The following DNTT variants were observed in gnomAD, a reference collection of about 807,000 sequenced individuals.
DNTT encodes DNA nucleotidylexotransferase.
DNTT carries 47 observed loss-of-function variants against 60.9 expected under a neutral mutation model. The ratio of observed to expected loss-of-function variants is 0.77; its 90% CI spans 0.61 to 0.98. The LOEUF (loss-of-function observed/expected upper bound fraction) is 0.98, where lower values mean the gene tolerates loss of function less well. DNTT is among the 50% of genes least tolerant of loss of function. The probability of loss-of-function intolerance (pLI) is 0.00; values close to 1 mark genes in which losing one functional copy is unlikely to be tolerated. For missense variants in DNTT, 665 were observed against 627.5 expected (o/e 1.06, Z -0.64); for synonymous variants, 224 against 221.2 (o/e 1.01, Z -0.11).
intron 6 of DNTT, among the ~76,000 whole-genome samples, chr10:96,325,027 C>G (rs1411638280): frequency 2.0e-5 from 3 of 152,168 alleles, no homozygotes; most frequent in Admixed American, 1.3e-4. Flanking sequence ...CATCACCCAC[C>G]TGAAAGCCTG....
intron 5 of DNTT, among the ~76,000 whole-genome samples, chr10:96,322,963 A>G (rs1389204065): frequency 6.6e-6 from 1 of 152,158 alleles, no homozygotes; most frequent in Non-Finnish European, 1.5e-5. Context: ...CCCTGCTCAC[A>G]TGGTGAGAGA....
intron 10 of DNTT, among the ~76,000 whole-genome samples, chr10:96,336,742 TTCAA>T (rs1845074949): frequency 6.7e-6 from 1 of 149,200 alleles, no homozygotes; most frequent in Non-Finnish European, 1.5e-5. Context: ...AGGTCAGGAG[TTCAA>T]GATCAGCCAA....
chr10:96,325,444 T>C (rs1844928004), intron 6 of DNTT, among the ~76,000 whole-genome samples: 1 of 152,216 alleles, frequency 6.6e-6, no homozygotes, highest in Non-Finnish European at 1.5e-5. Flanking sequence ...TGGTTTGGAA[T>C]GATGAGTAAA....
chr10:96,318,128 G>A (rs1014566649), intron 1 of DNTT, among the ~76,000 whole-genome samples: 1 of 152,136 alleles, frequency 6.6e-6, no homozygotes, highest in Admixed American at 6.5e-5. Context: ...TGCTAATGTT[G>A]TCTTTATTGT....
intron 7 of DNTT, 61 bp from the exon 8 acceptor site, chr10:96,328,664 T>A: frequency 1.3e-6 from 2 of 1,541,980 alleles, no homozygotes; most frequent in Non-Finnish European, 1.8e-6. Flanking sequence ...CAAAGGTGAT[T>A]TTTTAAAAAT....
At chr10:96,319,571 C>T (rs548942984) in intron 3 of DNTT, among the ~76,000 whole-genome samples, 181 bp downstream of exon 3, 2 of 152,182 alleles carry the variant, frequency 1.3e-5, no homozygotes, top group Non-Finnish European at 2.9e-5. Flanking sequence ...ACTGGGTCTC[C>T]TTCCTTCCTG....
chr10:96,323,725 C>T (rs1844907240), intron 5 of DNTT, among the ~76,000 whole-genome samples: 1 of 152,126 alleles, frequency 6.6e-6, no homozygotes, highest in Admixed American at 6.5e-5. Flanking sequence ...GGACTTCCAC[C>T]AGTTCCTTCA....
Position 96,327,520 on chromosome 10 carries a change from G to A in DNTT, c.927G>A (p.Glu309=). 3 of 1,614,120 alleles carry A rather than the reference G, an allele frequency of 1.9e-6. No individual in the cohort carries two copies. Among genetic ancestry groups the A allele is most frequent in the Non-Finnish European group, 2.5e-6 (3 of 1,179,974 alleles). ...GCTGTGTGACCAGGGCAGAAGCAGA[G>A]GCCGTCAGTGTGCTGGTTAAAGAGG... ...LVSCVTRAEA[E]AVSVLVKEAV... is the part of the protein sequence containing the mutation. The change falls in exon 7 of 11, where the codon GAG becomes GAA. Residue 309 remains glutamate, a synonymous_variant. Coordinates refer to ENST00000371174, the MANE Select transcript of DNTT (RefSeq NM_004088.4).
chr10:96,324,958 A>G (rs941994), intron 6 of DNTT, among the ~76,000 whole-genome samples: 141,710 of 152,240 alleles, frequency 0.93, 66,783 homozygotes, highest in East Asian at 1. Context: ...CACAGGGTTG[A>G]TATACCCAAC....
chr10:96,330,051 G>C (rs569015877), intron 8 of DNTT, among the ~76,000 whole-genome samples: 1 of 152,298 alleles, frequency 6.6e-6, no homozygotes, highest in African/African-American at 2.4e-5. Flanking sequence ...TCAACCAGTG[G>C]GTATTGATGG....
chr10:96,335,778 A>C, intron 9 of DNTT, 113 bp from the exon 10 acceptor site: 1 of 1,267,698 alleles, frequency 7.9e-7, no homozygotes, highest in Non-Finnish European at 1.1e-6. Flanking sequence ...GGGGAGGAAA[A>C]TCACTTTGAG....
At position 96,338,239 on chromosome 10, in the gene DNTT, C is replaced by T; in HGVS notation, c.*15C>T. 6.3e-7 allele frequency: 1 copy of T among 1,597,728 alleles called. No individual in the cohort carries two copies. The highest frequency in any genetic ancestry group is 8.5e-7 in the Non-Finnish European group (1 of 1,173,578). Reference sequence around the variant, plus strand: ...GAAATGCCTAGGAAAGTGTTGTCAACATTTTTTTCCTATTCTTTTCAAGTT... The same window carrying T: ...GAAATGCCTAGGAAAGTGTTGTCAATATTTTTTTCCTATTCTTTTCAAGTT... On this transcript the variant is annotated 3_prime_UTR_variant, in exon 11 of 11. Coordinates refer to ENST00000371174, the MANE Select transcript of DNTT (RefSeq NM_004088.4).
At chr10:96,306,607 C>G (rs944773859) in intron 1 of DNTT, 2 of 152,254 alleles carry the variant, frequency 1.3e-5, no homozygotes, top group Non-Finnish European at 2.9e-5. Flanking sequence ...GAGGCAGGCA[C>G]TCAGGGAGAT....
rs746614838 is a variant in DNTT at position 96,322,742 on chromosome 10, C to T, written c.750+14C>T. On this transcript the variant is annotated intron_variant, in intron 5 of 10. Coordinates refer to ENST00000371174, the MANE Select transcript of DNTT (RefSeq NM_004088.4). The stretch of plus-strand genomic sequence containing the variant: ...CAATCCTTCAAAGTAAGTGATTTTA[C>T]ATATATTTATTGAAAATTGTTTTTC... The T allele has an allele frequency of 7.6e-6, 12 of 1,571,488 alleles. No homozygotes were observed. The highest frequency in any genetic ancestry group is 1.4e-5 in the African/African-American group (1 of 73,868).
chr10:96,328,287 A>T (rs147055506), intron 7 of DNTT, among the ~76,000 whole-genome samples: 1 of 152,274 alleles, frequency 6.6e-6, no homozygotes, highest in East Asian at 1.9e-4. Context: ...CATCCTAACA[A>T]AATAGGTTTG....
chr10:96,333,682 G>C (rs751119279), intron 9 of DNTT, among the ~76,000 whole-genome samples: 7 of 152,212 alleles, frequency 4.6e-5, no homozygotes, highest in Non-Finnish European at 7.3e-5. Flanking sequence ...GTTGAACCTA[G>C]AGGACATTAT....
intron 1 of DNTT, among the ~76,000 whole-genome samples, chr10:96,311,384 C>T (rs1170128448): frequency 6.6e-6 from 1 of 152,062 alleles, no homozygotes; most frequent in Admixed American, 6.6e-5. Flanking sequence ...GAGTCTATAC[C>T]CAGGCAAATA....
intron 1 of DNTT, among the ~76,000 whole-genome samples, chr10:96,314,154 G>T (rs1844755465): frequency 6.6e-6 from 1 of 152,116 alleles, no homozygotes; most frequent in South Asian, 2.1e-4. Flanking sequence ...TTATATAGGA[G>T]GTGCTATTCC....
At chr10:96,320,894 A>G in intron 4 of DNTT, 106 bp downstream of exon 4, 1 of 1,391,488 alleles carries the variant, frequency 7.2e-7, no homozygotes, top group East Asian at 2.4e-5. Flanking sequence ...GATGTGGTGT[A>G]CATCACAAAT....
Sources: allele counts gnomAD v4.1 joint callset (sites outside exome capture counted in the v4.1 genomes callset), GRCh38; gene constraint gnomAD v4.1.1; transcripts MANE v1.5; gene names NCBI Gene and HGNC (gene_info 2026-07-23, HGNC 2026-07-21).